ADGRV1: variants seen among roughly 807,000 people sequenced by gnomAD.
The protein encoded by ADGRV1 is adhesion G protein-coupled receptor V1.
ADGRV1 carries 359 observed loss-of-function variants against 596.2 expected under a neutral mutation model. The ratio of observed to expected loss-of-function variants is 0.60; its 90% CI spans 0.55 to 0.66. The LOEUF (loss-of-function observed/expected upper bound fraction) is 0.66, where lower values mean the gene tolerates loss of function less well. ADGRV1 is among the 30% of genes least tolerant of loss of function. ADGRV1 has a pLI of 0.00. For synonymous variants in ADGRV1, 2,681 were observed against 2,679.2 expected (o/e 1.00, Z -0.02); for missense variants, 7,274 against 7,575.6 (o/e 0.96, Z 1.48).
At chr5:90,824,744 A>G (rs1051644444) in intron 76 of ADGRV1, among the ~76,000 whole-genome samples, 1 of 152,194 alleles carries the variant, frequency 6.6e-6, no homozygotes, top group Admixed American at 6.5e-5. Context: ...ACCATAGACT[A>G]ATTGATGTTT....
intron 87 of ADGRV1, among the ~76,000 whole-genome samples, chr5:91,149,399 G>A (rs138209358): frequency 0.016 from 2,419 of 152,260 alleles, 72 homozygotes; most frequent in African/African-American, 0.056. Context: ...TTTTATAAGC[G>A]TCTGGCATTT....
At chr5:90,778,237 T>A (rs1758463288) in intron 62 of ADGRV1, among the ~76,000 whole-genome samples, 190 bp from the exon 63 acceptor site, 1 of 151,342 alleles carries the variant, frequency 6.6e-6, no homozygotes, top group South Asian at 2.1e-4. Flanking sequence ...GTGTGTACGG[T>A]TGACAATGGA....
intron 25 of ADGRV1, chr5:90,676,789 T>C (rs1374743736): frequency 1.3e-5 from 2 of 152,316 alleles, no homozygotes; most frequent in African/African-American, 4.8e-5. Flanking sequence ...GATATAACGC[T>C]GTAAAATCTG....
At chr5:91,133,585 A>T (rs1303994445) in intron 87 of ADGRV1, among the ~76,000 whole-genome samples, 1 of 152,238 alleles carries the variant, frequency 6.6e-6, no homozygotes, top group Non-Finnish European at 1.5e-5. Context: ...GGCTCCTAGG[A>T]TGAAGGATGG....
intron 9 of ADGRV1, among the ~76,000 whole-genome samples, chr5:90,633,578 A>G (rs1765771400): frequency 6.6e-6 from 1 of 151,904 alleles, no homozygotes; most frequent in Admixed American, 6.6e-5. Flanking sequence ...AAATATACAT[A>G]TTTTATTTAA....
At chr5:90,913,118 C>T (rs1160681512) in intron 83 of ADGRV1, among the ~76,000 whole-genome samples, 1 of 152,146 alleles carries the variant, frequency 6.6e-6, no homozygotes, top group Admixed American at 6.5e-5. Flanking sequence ...CATTTTTCCA[C>T]TGGCTAATTT....
At chr5:90,626,157 C>A (rs1764727123) in intron 6 of ADGRV1, 1 of 152,024 alleles carries the variant, frequency 6.6e-6, no homozygotes, top group Non-Finnish European at 1.5e-5. Flanking sequence ...CCTCTACCCT[C>A]CTACAAAAAT....
chr5:91,074,818 C>T (rs76879861), intron 86 of ADGRV1, among the ~76,000 whole-genome samples: 3,880 of 152,264 alleles, frequency 0.025, 72 homozygotes, highest in Middle Eastern at 0.048. Context: ...ATTCCCTTTT[C>T]GCTACAGCCT....
chr5:90,689,332 C>T (rs866780479), intron 29 of ADGRV1, among the ~76,000 whole-genome samples: 2 of 104,438 alleles, frequency 1.9e-5, no homozygotes, highest in African/African-American at 4.1e-5. Flanking sequence ...CCCCACCCAC[C>T]TTTTTTTTTT....
intron 56 of ADGRV1, 171 bp downstream of exon 56, chr5:90,756,801 G>A (rs1265355238): frequency 1.1e-5 from 8 of 742,078 alleles, no homozygotes; most frequent in African/African-American, 3.6e-5. Flanking sequence ...GATTCAACAA[G>A]TTTACTTTCA....
intron 83 of ADGRV1, among the ~76,000 whole-genome samples, chr5:90,961,092 T>C (rs1490678450): frequency 6.6e-6 from 1 of 152,146 alleles, no homozygotes; most frequent in Non-Finnish European, 1.5e-5. Context: ...AAGAACTACA[T>C]TTGGCTCATT....
chr5:90,877,585 GT>G (rs72003963), intron 83 of ADGRV1, among the ~76,000 whole-genome samples: 20,934 of 139,998 alleles, frequency 0.15, 2,414 homozygotes, highest in African/African-American at 0.32. Context: ...TCAGTGTGTG[GT>G]TTTTTTTTTT....
chr5:91,135,178 CA>C (rs70973732), intron 87 of ADGRV1, among the ~76,000 whole-genome samples: 6,042 of 92,948 alleles, frequency 0.065, 174 homozygotes, highest in African/African-American at 0.14. Flanking sequence ...GACTCCATCT[CA>C]AAAAAAAAAA....
intron 11 of ADGRV1, among the ~76,000 whole-genome samples, chr5:90,638,308 A>T (rs1295714984): frequency 6.6e-6 from 1 of 152,084 alleles, no homozygotes; most frequent in Non-Finnish European, 1.5e-5. Context: ...TGCTGGCTTT[A>T]TGTTCAACAG....
At chr5:90,710,856 G>A (rs1416643298) in intron 39 of ADGRV1, 125 bp from the exon 40 acceptor site, 2 of 574,674 alleles carry the variant, frequency 3.5e-6, no homozygotes, top group East Asian at 2.9e-5. Flanking sequence ...CATCTTTTGA[G>A]TAATGTTGAT....
chr5:90,904,144 T>G (rs1287074453), intron 83 of ADGRV1, among the ~76,000 whole-genome samples: 1 of 152,162 alleles, frequency 6.6e-6, no homozygotes, highest in Non-Finnish European at 1.5e-5. Context: ...TACCACATTT[T>G]CTTTATCCAT....
At chr5:91,113,189 G>A (rs1792531134) in intron 87 of ADGRV1, among the ~76,000 whole-genome samples, 1 of 152,140 alleles carries the variant, frequency 6.6e-6, no homozygotes, top group African/African-American at 2.4e-5. Context: ...TGTACCAAAT[G>A]CCTTTAGGCT....
intron 83 of ADGRV1, among the ~76,000 whole-genome samples, chr5:90,954,949 A>G (rs1358164281): frequency 1.3e-5 from 2 of 151,850 alleles, no homozygotes; most frequent in Non-Finnish European, 2.9e-5. Flanking sequence ...GAGTGATGGT[A>G]TTTGGAGATG....
intron 70 of ADGRV1, among the ~76,000 whole-genome samples, chr5:90,799,650 G>T (rs932851611): frequency 2.0e-5 from 3 of 152,126 alleles, no homozygotes; most frequent in Non-Finnish European, 2.9e-5. Flanking sequence ...AACAAAGCTG[G>T]AGGCATCACA....
Sources: gnomAD v4.1 joint callset for allele counts (sites outside exome capture counted in the v4.1 genomes callset) on GRCh38, gnomAD v4.1.1 for gene constraint, MANE v1.5 for transcripts, NCBI Gene and HGNC (gene_info 2026-07-23, HGNC 2026-07-21) for gene names.